Variants in AKR1E2 observed in about 807,000 individuals in gnomAD.
The protein encoded by AKR1E2 is aldo-keto reductase family 1 member E2.
In AKR1E2, 43 loss-of-function variants were observed where a neutral mutation model predicts 41.9. The observed-to-expected ratio is 1.03, with a 90% CI of 0.80 to 1.32. AKR1E2 has a LOEUF of 1.32. Among genes scored for constraint, AKR1E2 ranks in the 40% most tolerant of loss-of-function variants. The pLI is 0.00. For missense variants in AKR1E2, 423 were observed against 396.5 expected, an observed-to-expected ratio of 1.07 and a Z score of -0.57; for synonymous variants, 121 against 138.9, an observed-to-expected ratio of 0.87 and a Z score of 0.91.
chr10:4,843,384 G>A (rs969684285), intron 8 of AKR1E2, among the ~76,000 whole-genome samples: 3 of 152,178 alleles, frequency 2.0e-5, no homozygotes, highest in South Asian at 2.1e-4. Flanking sequence ...CCTCAGTCAC[G>A]GATGTCACCT....
chr10:4,845,448 T>C (rs192856512), intron 8 of AKR1E2, among the ~76,000 whole-genome samples: 5,286 of 147,260 alleles, frequency 0.036, 150 homozygotes, highest in East Asian at 0.12. Context: ...CTAGTGAGGG[T>C]TGTGAGGGCT....
Position 4,835,798 on chromosome 10 carries a change from G to A in AKR1E2, c.448G>A (p.Asp150Asn). Residue 150 changes from aspartate to asparagine, a missense_variant, in exon 4 of 10, where the codon GAC becomes AAC. By Grantham distance (23) the Asp-to-Asn change is conservative. Transcript: ENST00000298375. ...TATTCCCAGTGACACGGACTTCCTG[G>A]ACACGTGGGAGGTGAGCTGAGCCAC... ...MVIPSDTDFL[D>N]TWEAMEDLVI... is the part of the protein sequence containing the mutation. The A allele has an allele frequency of 1.2e-6, 2 of 1,613,972 alleles. No homozygotes were observed. Among genetic ancestry groups the A allele is most frequent in the Non-Finnish European group, 1.7e-6 (2 of 1,179,990 alleles).
chr10:4,834,353 G>A (rs1444274578), intron 3 of AKR1E2, among the ~76,000 whole-genome samples: 1 of 152,200 alleles, frequency 6.6e-6, no homozygotes, highest in Non-Finnish European at 1.5e-5. Context: ...TTTGTATCTA[G>A]TTTCCATAAA....
intron 6 of AKR1E2, 119 bp from the exon 7 acceptor site, chr10:4,841,666 C>T (rs771652934): frequency 1.4e-5 from 10 of 703,786 alleles, no homozygotes; most frequent in East Asian, 1.2e-4. Context: ...TTCCTGTAGT[C>T]GGCATGTGTC....
rs1346086114 is a variant in AKR1E2 at position 4,835,872 on chromosome 10, A to T, written c.459+63A>T. On this transcript the variant is annotated intron_variant, in intron 4 of 9. Coordinates refer to ENST00000298375, the MANE Select transcript of AKR1E2 (RefSeq NM_001040177.3). ...GTGGGTCTCCACCCAGGATGCAGTGAGCCCTGAGCTGCTTGTGTTCAAAGA... is the reference window on the plus strand; with the variant it reads ...GTGGGTCTCCACCCAGGATGCAGTGTGCCCTGAGCTGCTTGTGTTCAAAGA... The T allele has an allele frequency of 1.3e-5, 21 of 1,583,538 alleles. No individual in the cohort carries two copies. The Admixed American group carries it at 3.7e-4, about 28-fold the overall frequency.
chr10:4,852,028 A>G (rs1834534618), downstream of AKR1E2, among the ~76,000 whole-genome samples: 1 of 152,212 alleles, frequency 6.6e-6, no homozygotes, highest in Admixed American at 6.5e-5. Flanking sequence ...GTGGAAAATC[A>G]AACATTTCTT....
chr10:4,844,617 A>G (rs571088830), intron 8 of AKR1E2, among the ~76,000 whole-genome samples: 3 of 151,996 alleles, frequency 2.0e-5, no homozygotes, highest in African/African-American at 7.2e-5. Context: ...CCACATCCCC[A>G]CTAGATTAGC....
At chr10:4,833,298 C>T in intron 2 of AKR1E2, 52 bp from the exon 3 acceptor site, 1 of 1,415,208 alleles carries the variant, frequency 7.1e-7, no homozygotes, top group Non-Finnish European at 1.0e-6. Flanking sequence ...AGAATGGGTG[C>T]CATGCTGGCT....
chr10:4,869,297 T>G, the AKR1E2 span, among the ~76,000 whole-genome samples: 2 of 152,166 alleles, frequency 1.3e-5, no homozygotes, highest in African/African-American at 4.8e-5. Flanking sequence ...TTATATAACT[T>G]GTGAAGTGTA....
the AKR1E2 span, among the ~76,000 whole-genome samples, chr10:4,864,762 C>T: frequency 0.078 from 11,806 of 152,216 alleles, 1,535 homozygotes; most frequent in East Asian, 0.59. Context: ...TCAGCAAAGT[C>T]TCAGGATACA....
chr10:4,870,375 G>C, the AKR1E2 span, among the ~76,000 whole-genome samples: 3 of 151,860 alleles, frequency 2.0e-5, no homozygotes, highest in Non-Finnish European at 4.4e-5. Flanking sequence ...ATTTTTGCTT[G>C]CATATTTGTT....
intron 1 of AKR1E2, 37 bp from the exon 2 acceptor site, chr10:4,830,638 G>A (rs936096859): frequency 7.5e-6 from 12 of 1,609,886 alleles, no homozygotes; most frequent in African/African-American, 5.3e-5. Context: ...GGATTCCTCT[G>A]ACTGTGAGAA....
the AKR1E2 span, among the ~76,000 whole-genome samples, chr10:4,866,639 G>GTTTTTTTTT: frequency 4.6e-5 from 5 of 107,802 alleles, 2 homozygotes; most frequent in Admixed American, 2.1e-4. Context: ...TTTTGTTTTT[G>GTTTTTTTTT]TTTTTGTTTT....
chr10:4,858,440 G>A, the AKR1E2 span, among the ~76,000 whole-genome samples: 1 of 152,228 alleles, frequency 6.6e-6, no homozygotes, highest in Non-Finnish European at 1.5e-5. Flanking sequence ...AATTGTCTTT[G>A]GTCTTTACCA....
chr10:4,837,917 T>C (rs562594646), intron 5 of AKR1E2, among the ~76,000 whole-genome samples: 15 of 152,272 alleles, frequency 9.9e-5, no homozygotes, highest in African/African-American at 3.4e-4. Flanking sequence ...CCTCTACCTC[T>C]TCCCAGCCTG....
chr10:4,869,796 A>G, the AKR1E2 span, among the ~76,000 whole-genome samples: 1 of 151,860 alleles, frequency 6.6e-6, no homozygotes, highest in East Asian at 1.9e-4. Flanking sequence ...TTAATTTCCA[A>G]GAGTTTGGTG....
At chr10:4,850,718 T>C (rs1472379237), downstream of AKR1E2, among the ~76,000 whole-genome samples, 2 of 152,196 alleles carry the variant, frequency 1.3e-5, no homozygotes, top group Non-Finnish European at 2.9e-5. Context: ...TTTCATGTGC[T>C]TATTGGCCAT....
At chr10:4,839,594 C>A in intron 5 of AKR1E2, 135 bp from the exon 6 acceptor site, 1 of 754,104 alleles carries the variant, frequency 1.3e-6, no homozygotes. Context: ...CTCCTCACAA[C>A]AGAAACACTT....
chr10:4,872,288 A>G, the AKR1E2 span, among the ~76,000 whole-genome samples: 1 of 152,214 alleles, frequency 6.6e-6, no homozygotes, highest in African/African-American at 2.4e-5. Context: ...GTCTGATTTA[A>G]TATATAAAGT....
Sources: allele counts gnomAD v4.1 joint callset (sites outside exome capture counted in the v4.1 genomes callset), GRCh38; gene constraint gnomAD v4.1.1; transcripts MANE v1.5; gene names NCBI Gene and HGNC (gene_info 2026-07-23, HGNC 2026-07-21).